Variants in RELN observed in about 807,000 individuals in gnomAD.
RELN encodes reelin.
RELN carries 108 observed loss-of-function variants against 427.6 expected under a neutral mutation model. The observed-to-expected ratio is 0.25, with a 90% CI of 0.22 to 0.30. RELN has a LOEUF of 0.30. Among genes scored for constraint, RELN ranks in the 10% least tolerant of loss-of-function variants. The pLI is 1.00. For missense variants in RELN, 3,715 were observed against 4,302.8 expected (o/e 0.86, Z 3.82); for synonymous variants, 1,524 against 1,513.4 (o/e 1.01, Z -0.16).
At chr7:103,744,611 C>G (rs1359119697) in intron 6 of RELN, among the ~76,000 whole-genome samples, 1 of 152,204 alleles carries the variant, frequency 6.6e-6, no homozygotes, top group Non-Finnish European at 1.5e-5. Context: ...GAAATACAAA[C>G]TACCATCAGA....
chr7:103,580,601 T>C (rs1193097168), intron 28 of RELN, among the ~76,000 whole-genome samples: 1 of 152,184 alleles, frequency 6.6e-6, no homozygotes, highest in South Asian at 2.1e-4. Context: ...CAATAGTTTT[T>C]GGGGGTACAG....
At chr7:103,789,531 C>G (rs1380003162) in intron 3 of RELN, among the ~76,000 whole-genome samples, 1 of 151,956 alleles carries the variant, frequency 6.6e-6, no homozygotes, top group Non-Finnish European at 1.5e-5. Flanking sequence ...AGGATATGAA[C>G]AGACACTTCT....
intron 1 of RELN, among the ~76,000 whole-genome samples, chr7:103,923,517 C>G (rs889740934): frequency 1.4e-4 from 22 of 152,078 alleles, no homozygotes; most frequent in Admixed American, 1.4e-3. Flanking sequence ...TCAAGATTCA[C>G]TGAGTGAGGA....
Position 103,610,590 on chromosome 7 carries a change from A to C in RELN, c.3008+105T>G, listed in dbSNP as rs1056935388. On this transcript the variant is annotated intron_variant, in intron 22 of 64. Transcript: ENST00000428762. ...AATAAACATCATGCTATTGTGCTTA[A>C]CTTGCCTTCATATTCAAGTCATACT... 5.4e-6 allele frequency: 4 copies of C among 742,324 alleles called. No individual in the cohort carries two copies. In the South Asian group the frequency reaches 5.6e-5, roughly 10 times the overall value. 46.0% of individuals were successfully genotyped at this position (742,324 alleles called of 1,614,324 possible).
At chr7:103,908,208 C>G (rs1235170757) in intron 2 of RELN, among the ~76,000 whole-genome samples, 1 of 152,132 alleles carries the variant, frequency 6.6e-6, no homozygotes, top group Non-Finnish European at 1.5e-5. Context: ...GGGTAAGAAA[C>G]TTGAGTGCAG....
chr7:103,705,184 G>T (rs181550298), intron 8 of RELN, among the ~76,000 whole-genome samples: 2 of 152,226 alleles, frequency 1.3e-5, no homozygotes, highest in Admixed American at 1.3e-4. Flanking sequence ...ATTCCAGAAT[G>T]ATTAGATCAG....
intron 8 of RELN, among the ~76,000 whole-genome samples, chr7:103,718,249 T>C (rs1478004066): frequency 6.6e-6 from 1 of 151,728 alleles, no homozygotes; most frequent in Non-Finnish European, 1.5e-5. Flanking sequence ...AGAACATCTG[T>C]GTATCTTAAT....
intron 11 of RELN, among the ~76,000 whole-genome samples, chr7:103,681,095 TTG>T (rs556668607): frequency 2.1e-3 from 322 of 152,236 alleles, no homozygotes; most frequent in African/African-American, 7.4e-3. Flanking sequence ...GTAAGAATTT[TTG>T]TGTCTTTCAT....
rs559127464 is a variant in RELN, at chr7:103,953,077, C to T, written c.227-35892G>A. Among the ~76,000 whole-genome samples the T allele has an allele frequency of 2.0e-4, 30 of 152,192 alleles. No individual in the cohort carries two copies. The Middle Eastern group carries it at 0.01, about 52-fold the overall frequency. On this transcript the variant is annotated intron_variant, in intron 1 of 64. Coordinates refer to ENST00000428762, the MANE Select transcript of RELN (RefSeq NM_005045.4). The surrounding 1 kb of genome is among the most constrained non-coding windows in gnomAD (Gnocchi z 4.3). ...CTAGCCACCAACGTCTGGTTTCTAC[C>T]GTTCTCTTCCTCATCCCACGCGCTG...
At chr7:103,909,279 T>C (rs1164946946) in intron 2 of RELN, among the ~76,000 whole-genome samples, 1 of 152,056 alleles carries the variant, frequency 6.6e-6, no homozygotes, top group Non-Finnish European at 1.5e-5. Flanking sequence ...TAATAGGTTC[T>C]ACTTAGTCTT....
chr7:103,843,280 C>T (rs1305780460), intron 2 of RELN, among the ~76,000 whole-genome samples: 1 of 152,056 alleles, frequency 6.6e-6, no homozygotes, highest in Non-Finnish European at 1.5e-5. Flanking sequence ...TCACAGCTCA[C>T]TGCAGCCTCA....
Position 103,605,606 on chromosome 7 carries a change from C to T in RELN, c.3009-1123G>A, listed in dbSNP as rs1257070590. ...ACCTGTGGTTCTTTTGGTCAAAGGG[C>T]TAAATGAAACAAAGAAACAAAACAT... On this transcript the variant is annotated intron_variant, in intron 22 of 64. Coordinates refer to ENST00000428762, the MANE Select transcript of RELN (RefSeq NM_005045.4). Among the ~76,000 whole-genome samples, 6 of 152,106 alleles carry T rather than the reference C, an allele frequency of 3.9e-5. No homozygotes were observed. The East Asian group carries it at 7.7e-4, about 20-fold the overall frequency.
intron 16 of RELN, among the ~76,000 whole-genome samples, chr7:103,648,518 T>G (rs1832843374): frequency 6.6e-6 from 1 of 152,020 alleles, no homozygotes; most frequent in African/African-American, 2.4e-5. Context: ...TCCTGAACAC[T>G]TGCCTAGGCA....
rs147242673 is a variant in RELN at position 103,844,683 on chromosome 7, A to G, written c.338-11011T>C. ...TTACTTAAACTCTCTAAGTCCCAGG[A>G]TCATTATTTTGTTATAGATAGATAA... On this transcript the variant is annotated intron_variant, in intron 2 of 64. Coordinates refer to ENST00000428762, the MANE Select transcript of RELN (RefSeq NM_005045.4). Among the ~76,000 whole-genome samples, 328 of 152,278 alleles carry G rather than the reference A, an allele frequency of 2.2e-3. 1 individual carries two copies. The highest frequency in any genetic ancestry group is 7.2e-3 in the African/African-American group (300 of 41,566).
At chr7:103,548,435 T>C (rs2965090) in intron 41 of RELN, among the ~76,000 whole-genome samples, 1 of 152,242 alleles carries the variant, frequency 6.6e-6, no homozygotes, top group Admixed American at 6.5e-5. Context: ...ATTTAACTTT[T>C]GCCTTCCAGC....
At chr7:103,802,056 C>A (rs1397595897) in intron 3 of RELN, among the ~76,000 whole-genome samples, 1 of 152,082 alleles carries the variant, frequency 6.6e-6, no homozygotes, top group East Asian at 1.9e-4. Context: ...TCTTGAATTA[C>A]TGAATTAATG....
rs142310312 is a variant in RELN at position 103,758,493 on chromosome 7, G to A, written c.545-5279C>T. ...TTTTTTCCAGCTAGGCATTCAGAAT[G>A]AAAGCCTAGCCTACTTTGACTTGTT... is the stretch of plus-strand genomic sequence containing the variant. On this transcript the variant is annotated intron_variant, in intron 4 of 64. Transcript: ENST00000428762. 2.5e-3 allele frequency among the ~76,000 whole-genome samples: 387 copies of A among 151,862 alleles called. 1 individual carries two copies. Among genetic ancestry groups the A allele is most frequent in the South Asian group, 5.6e-3 (27 of 4,798 alleles).
At chr7:103,493,452 C>T (rs1288469957) in intron 57 of RELN, among the ~76,000 whole-genome samples, 3 of 151,966 alleles carry the variant, frequency 2.0e-5, no homozygotes, top group Non-Finnish European at 4.4e-5. Context: ...GTTGAGGTGC[C>T]AATGTGCAAA....
At chr7:103,799,886 G>A (rs1792401266) in intron 3 of RELN, among the ~76,000 whole-genome samples, 1 of 152,124 alleles carries the variant, frequency 6.6e-6, no homozygotes, top group African/African-American at 2.4e-5. Flanking sequence ...ACCTCATAGG[G>A]TAATGGTGAA....
Sources: gnomAD v4.1 joint callset for allele counts (sites outside exome capture counted in the v4.1 genomes callset) on GRCh38, gnomAD v4.1.1 for gene constraint, Gnocchi (gnomAD v3.1) non-coding constraint, MANE v1.5 for transcripts, NCBI Gene and HGNC (gene_info 2026-07-23, HGNC 2026-07-21) for gene names.